Variants in ZNF454 observed in about 807,000 individuals in gnomAD.
The protein encoded by ZNF454 is zinc finger protein 454.
A neutral mutation model predicts 48.2 loss-of-function variants in ZNF454; 30 were observed. The observed-to-expected ratio is 0.62, with a 90% CI of 0.47 to 0.84. The LOEUF (loss-of-function observed/expected upper bound fraction) is 0.84. Among genes scored for constraint, ZNF454 ranks in the 40% least tolerant of loss-of-function variants. ZNF454 has a pLI of 0.00. For synonymous variants in ZNF454, 204 were observed against 211.4 expected, an observed-to-expected ratio of 0.97 and a Z score of 0.30; for missense variants, 510 against 623.1, an observed-to-expected ratio of 0.82 and a Z score of 1.93.
chr5:178,941,467 G>A lies in ZNF454; in HGVS notation c.-108+23G>A, dbSNP rs201376400. 4.7e-6 allele frequency: 2 copies of A among 421,852 alleles called. No homozygotes were observed. Among genetic ancestry groups the A allele is most frequent in the South Asian group, 1.7e-5 (1 of 60,442 alleles). The allele number at this position is 421,852 out of a possible 1,614,324, so 26.1% of individuals were successfully genotyped here. A position where few individuals can be genotyped will look rare whatever the true frequency, so the allele number is the denominator to read the frequency against. On this transcript the variant is annotated intron_variant, in intron 1 of 4. Transcript: ENST00000519564. This position sits in a 1 kb window ranked among gnomAD's most constrained non-coding sequence, Gnocchi z 5.5. ...AATGTATGTCTGAGATTTGATCCCAGAGAGGGAGGACGGCCAGGGGTGGTC... is the reference window on the plus strand; with the variant it reads ...AATGTATGTCTGAGATTTGATCCCAAAGAGGGAGGACGGCCAGGGGTGGTC...
At chr5:178,985,517 C>A in the ZNF454 span, 24 of 339,116 alleles carry the variant, frequency 7.1e-5, no homozygotes, top group Admixed American at 2.0e-4. Flanking sequence ...TCCTGGCTAA[C>A]ACGGTGAAGC....
chr5:178,957,764 C>T (rs1415376493), intron 4 of ZNF454, among the ~76,000 whole-genome samples: 1 of 152,098 alleles, frequency 6.6e-6, no homozygotes, highest in Non-Finnish European at 1.5e-5. Context: ...TAAATCAGTG[C>T]CAGTAAGACC....
At chr5:178,976,213 G>T in the ZNF454 span, 2 of 393,830 alleles carry the variant, frequency 5.1e-6, no homozygotes, top group Non-Finnish European at 1.1e-5. Context: ...GCCATCCCCC[G>T]CCAGCTGCCC....
At chr5:178,962,689 CT>C (rs1337031678) in intron 4 of ZNF454, among the ~76,000 whole-genome samples, 2 of 151,716 alleles carry the variant, frequency 1.3e-5, no homozygotes, top group African/African-American at 4.8e-5. Flanking sequence ...TTCTACGGTT[CT>C]TTTTCTATTG....
At chr5:178,989,286 C>T in the ZNF454 span, 15 of 1,604,228 alleles carry the variant, frequency 9.4e-6, no homozygotes, top group South Asian at 5.5e-5. Flanking sequence ...CGGGTGGAAT[C>T]GTCTGACTGG....
the ZNF454 span, chr5:178,980,621 T>G: frequency 0.046 from 7,003 of 153,580 alleles, 212 homozygotes; most frequent in East Asian, 0.15. The surrounding 1 kb of genome is among the most constrained non-coding windows in gnomAD (Gnocchi z 4.3). Context: ...GGTTTGGGGG[T>G]TTTTTTGGTG....
At chr5:178,985,664 C>CTGCACTCCAGCCTG in the ZNF454 span, 1 of 397,652 alleles carries the variant, frequency 2.5e-6, no homozygotes, top group African/African-American at 2.2e-5. Flanking sequence ...GATAGTGCCA[C>CTGCACTCCAGCCTG]TGCACTCCAG....
At chr5:178,947,595 T>C (rs1018746243) in intron 4 of ZNF454, among the ~76,000 whole-genome samples, 1 of 152,204 alleles carries the variant, frequency 6.6e-6, no homozygotes, top group South Asian at 2.1e-4. Context: ...CACAGACTTG[T>C]TGCCTGGGGA....
At chr5:178,964,450 C>A (rs1446514512) in intron 4 of ZNF454, among the ~76,000 whole-genome samples, 1 of 152,150 alleles carries the variant, frequency 6.6e-6, no homozygotes, top group Non-Finnish European at 1.5e-5. Context: ...TGCTTCCAAG[C>A]TCTCCTGCCT....
the ZNF454 span, chr5:178,981,956 TG>T: frequency 1.1e-5 from 9 of 851,752 alleles, no homozygotes; most frequent in Non-Finnish European, 1.6e-5. This position sits in a 1 kb window ranked among gnomAD's most constrained non-coding sequence, Gnocchi z 5.1. Context: ...CTGTTTCAGT[TG>T]GGGAACTGGG....
At chr5:178,989,307 T>C in the ZNF454 span, 3 of 1,613,286 alleles carry the variant, frequency 1.9e-6, no homozygotes, top group Middle Eastern at 1.7e-4. Flanking sequence ...GTACCTGAGC[T>C]GGTCAGTTTG....
At chr5:178,957,172 G>C (rs957072000) in intron 4 of ZNF454, among the ~76,000 whole-genome samples, 1 of 151,626 alleles carries the variant, frequency 6.6e-6, no homozygotes. Flanking sequence ...GTGAGCCACC[G>C]CGCCCGGCCC....
At chr5:178,943,753 C>A (rs530439320) in intron 2 of ZNF454, among the ~76,000 whole-genome samples, 1 of 152,318 alleles carries the variant, frequency 6.6e-6, no homozygotes, top group Admixed American at 6.5e-5. Flanking sequence ...GGGCCAGACG[C>A]GGTGGCTCAC....
the ZNF454 span, chr5:178,985,412 A>G: frequency 1.9e-5 from 7 of 366,068 alleles, no homozygotes; most frequent in South Asian, 4.0e-5. Context: ...CTTAAAAAAA[A>G]AAAAAAACTC....
At chr5:178,945,214 TTG>T (rs1219404102) in intron 2 of ZNF454, among the ~76,000 whole-genome samples, 1 of 150,956 alleles carries the variant, frequency 6.6e-6, no homozygotes, top group Non-Finnish European at 1.5e-5. Flanking sequence ...GTCTGTGTGT[TTG>T]TGTGTGTGTC....
chr5:178,942,739 C>G lies in ZNF454; in HGVS notation c.-53C>G. 1 of 1,611,168 alleles carries G rather than the reference C, an allele frequency of 6.2e-7. No homozygotes were observed. Among genetic ancestry groups the G allele is most frequent in the Non-Finnish European group, 8.5e-7 (1 of 1,177,636 alleles). On this transcript the variant is annotated 5_prime_UTR_variant, in exon 2 of 5. Transcript: ENST00000519564. The stretch of plus-strand genomic sequence containing the variant: ...GTCCTGCAGGTGTGAAGCTCCACAC[C>G]TGCCTCCATAGCACTTTGCCTGTCC...
chr5:178,971,712 C>T, the ZNF454 span, among the ~76,000 whole-genome samples: 5 of 151,354 alleles, frequency 3.3e-5, no homozygotes, highest in East Asian at 5.9e-4. Context: ...AAAAATTAGC[C>T]GGGTGTGGTG....
chr5:178,984,612 G>C, the ZNF454 span, among the ~76,000 whole-genome samples: 5 of 152,126 alleles, frequency 3.3e-5, no homozygotes, highest in Non-Finnish European at 7.3e-5. Context: ...ACCTGAGGGT[G>C]GGGGAGCAGG....
the ZNF454 span, among the ~76,000 whole-genome samples, chr5:178,973,618 C>T: frequency 5.3e-5 from 8 of 152,000 alleles, no homozygotes; most frequent in South Asian, 2.1e-4. Flanking sequence ...CCGAAGCGGG[C>T]GGATCACAAG....
Sources: allele counts gnomAD v4.1 joint callset (sites outside exome capture counted in the v4.1 genomes callset), GRCh38; gene constraint gnomAD v4.1.1; non-coding constraint Gnocchi (gnomAD v3.1); transcripts MANE v1.5; gene names NCBI Gene and HGNC (gene_info 2026-07-23, HGNC 2026-07-21).